RALGAPB: variants seen among roughly 807,000 people sequenced by gnomAD.
The protein encoded by RALGAPB is ral GTPase-activating protein subunit beta.
A neutral mutation model predicts 161.1 loss-of-function variants in RALGAPB; 25 were observed. The observed-to-expected ratio is 0.16, with a 90% CI of 0.11 to 0.22. RALGAPB has a LOEUF of 0.22. Among genes scored for constraint, RALGAPB ranks in the 10% least tolerant of loss-of-function variants. RALGAPB has a pLI of 1.00. For synonymous variants in RALGAPB, 629 were observed against 626.1 expected (o/e 1.00, Z -0.07); for missense variants, 1,391 against 1,815.2 (o/e 0.77, Z 4.25).
At chr20:38,520,384 A>G (rs2086251333) in intron 9 of RALGAPB, 2 of 317,136 alleles carry the variant, frequency 6.3e-6, no homozygotes, top group Admixed American at 6.5e-5. Flanking sequence ...TGCACTTGGG[A>G]AGAAAAATAC....
intron 18 of RALGAPB, among the ~76,000 whole-genome samples, chr20:38,543,440 T>C (rs998139689): frequency 3.3e-5 from 5 of 152,208 alleles, no homozygotes; most frequent in African/African-American, 1.2e-4. Flanking sequence ...CCAATTGCCC[T>C]ATTTTCGATC....
intron 16 of RALGAPB, 33 bp from the exon 17 acceptor site, chr20:38,539,743 G>A (rs749030965): frequency 6.3e-7 from 1 of 1,599,804 alleles, no homozygotes; most frequent in South Asian, 1.1e-5. Flanking sequence ...ATTCCTGGCT[G>A]ATTGTTTTTG....
intron 21 of RALGAPB, among the ~76,000 whole-genome samples, chr20:38,552,823 G>A (rs755119113): frequency 1.3e-5 from 2 of 152,168 alleles, no homozygotes; most frequent in Non-Finnish European, 2.9e-5. Flanking sequence ...AACTCACTCT[G>A]CTGACTTTCT....
At chr20:38,483,761 G>T (rs991495129) in intron 1 of RALGAPB, among the ~76,000 whole-genome samples, 2 of 152,152 alleles carry the variant, frequency 1.3e-5, no homozygotes, top group South Asian at 2.1e-4. Flanking sequence ...ATCCTGAGAG[G>T]TTGATTCTTG....
chr20:38,555,460 G>C (rs1332862721), intron 22 of RALGAPB, among the ~76,000 whole-genome samples: 1 of 152,174 alleles, frequency 6.6e-6, no homozygotes, highest in Non-Finnish European at 1.5e-5. Context: ...CAGAATAAAA[G>C]AGCAGAGAGA....
chr20:38,558,394 C>A lies in RALGAPB; in HGVS notation c.3472C>A (p.Arg1158Ser). The A allele has an allele frequency of 6.2e-7, 1 of 1,606,180 alleles. No individual in the cohort carries two copies. Among genetic ancestry groups the A allele is most frequent in the Non-Finnish European group, 8.5e-7 (1 of 1,175,226 alleles). Residue 1158 changes from arginine (R) to serine (S), a missense_variant, in exon 23 of 30, where the codon CGT becomes AGT. This residue lies in a region of RALGAPB where 436 missense variants were observed against 527.0 expected (regional missense o/e 0.83). Transcript: ENST00000262879. ...DIGYLDLLPC[R>S]PFDTVFIFYM... is the part of the protein sequence containing the mutation. ...TGGGTATCTGGATCTCTTGCCATGT[C>A]GTCCTTTTGACACAGTTTTTATTTT... is the stretch of plus-strand genomic sequence containing the variant.
At chr20:38,481,740 A>G (rs979838174) in intron 1 of RALGAPB, among the ~76,000 whole-genome samples, 1 of 152,164 alleles carries the variant, frequency 6.6e-6, no homozygotes, top group African/African-American at 2.4e-5. Flanking sequence ...AGTCCTATTA[A>G]TCTTTCTTCT....
chr20:38,504,784 T>C (rs528605817), intron 5 of RALGAPB, among the ~76,000 whole-genome samples: 8 of 152,194 alleles, frequency 5.3e-5, no homozygotes, highest in South Asian at 4.1e-4. Flanking sequence ...CAGACACTTA[T>C]CAAAAGAAGA....
intron 22 of RALGAPB, among the ~76,000 whole-genome samples, chr20:38,555,408 A>G (rs2087546377): frequency 6.6e-6 from 1 of 152,170 alleles, no homozygotes; most frequent in Non-Finnish European, 1.5e-5. Flanking sequence ...TTTTGTAGAA[A>G]ATTGAGTTTG....
intron 9 of RALGAPB, among the ~76,000 whole-genome samples, chr20:38,520,512 A>G (rs1467368679): frequency 7.5e-6 from 1 of 133,008 alleles, no homozygotes; most frequent in East Asian, 2.1e-4. Flanking sequence ...CTTTGCACTA[A>G]CTGTGTTTTG....
intron 28 of RALGAPB, among the ~76,000 whole-genome samples, chr20:38,573,288 G>A (rs2088308500): frequency 6.6e-6 from 1 of 151,744 alleles, no homozygotes; most frequent in African/African-American, 2.4e-5. Context: ...TTGTCTTGGG[G>A]ACAGAATTAC....
intron 18 of RALGAPB, among the ~76,000 whole-genome samples, chr20:38,543,269 T>G (rs1326440108): frequency 6.6e-6 from 1 of 152,254 alleles, no homozygotes; most frequent in Non-Finnish European, 1.5e-5. Flanking sequence ...TTGCCAGTTA[T>G]GCAAACACAG....
chr20:38,520,697 A>G (rs987728845), intron 9 of RALGAPB, among the ~76,000 whole-genome samples: 3 of 152,090 alleles, frequency 2.0e-5, no homozygotes, highest in African/African-American at 4.8e-5. Flanking sequence ...TTGACTCTGT[A>G]TTCTATTAAA....
intron 27 of RALGAPB, among the ~76,000 whole-genome samples, 153 bp from the exon 28 acceptor site, chr20:38,570,616 A>T (rs1260725440): frequency 2.0e-5 from 3 of 152,226 alleles, no homozygotes; most frequent in Non-Finnish European, 2.9e-5. Flanking sequence ...AGAATTTTTT[A>T]ATTTGTAGAG....
chr20:38,491,051 T>TA (rs2085266898), intron 2 of RALGAPB, among the ~76,000 whole-genome samples: 1 of 152,238 alleles, frequency 6.6e-6, no homozygotes, highest in Admixed American at 6.5e-5. Flanking sequence ...TCTCTTCTCT[T>TA]ATGTGGCTAA....
chr20:38,505,007 G>A (rs2085715783), intron 5 of RALGAPB, among the ~76,000 whole-genome samples: 1 of 152,180 alleles, frequency 6.6e-6, no homozygotes, highest in South Asian at 2.1e-4. Flanking sequence ...AGCTACTGTG[G>A]AAAGCAGTTG....
In RALGAPB at chr20:38,558,462, T is replaced by C. The variant is rs1568975383; in HGVS notation, c.3531+9T>C. On this transcript the variant is annotated intron_variant, in intron 23 of 29. Coordinates refer to ENST00000262879, the MANE Select transcript of RALGAPB (RefSeq NM_020336.4). Reference sequence around the variant, plus strand: ...AGAAAACGAACCAAGAGGTAAGAGTTACGAATTTTTTTTTTTTGGTATGTT... The same window carrying C: ...AGAAAACGAACCAAGAGGTAAGAGTCACGAATTTTTTTTTTTTGGTATGTT... The C allele has an allele frequency of 1.3e-6, 2 of 1,555,172 alleles. No individual in the cohort carries two copies. Among genetic ancestry groups the C allele is most frequent in the Admixed American group, 2.0e-5 (1 of 50,338 alleles).
intron 1 of RALGAPB, among the ~76,000 whole-genome samples, chr20:38,485,679 G>A (rs536073189): frequency 2.0e-5 from 3 of 151,966 alleles, no homozygotes; most frequent in East Asian, 2.0e-4. Context: ...TGCCCGCCTC[G>A]GCCTCCCAAA....
chr20:38,528,345 T>TTTTA (rs55916951), intron 13 of RALGAPB, among the ~76,000 whole-genome samples: 7,506 of 147,250 alleles, frequency 0.051, 594 homozygotes, highest in African/African-American at 0.17. Flanking sequence ...TTCATTTTAT[T>TTTTA]TTTATTTATT....
Sources: gnomAD v4.1 joint callset for allele counts (sites outside exome capture counted in the v4.1 genomes callset) on GRCh38, gnomAD v4.1.1 for gene constraint, gnomAD v4.1.1 regional missense constraint, MANE v1.5 for transcripts, NCBI Gene and HGNC (gene_info 2026-07-23, HGNC 2026-07-21) for gene names.